Variants in ARL8B observed in about 807,000 individuals in gnomAD.
ARL8B encodes ARF like GTPase 8B.
A neutral mutation model predicts 30.6 loss-of-function variants in ARL8B; 9 were observed. That is an observed-to-expected ratio of 0.29 (90% CI 0.18 to 0.51). The LOEUF (loss-of-function observed/expected upper bound fraction) is 0.51, where lower values mean the gene tolerates loss of function less well. Among genes scored for constraint, ARL8B ranks in the 20% least tolerant of loss-of-function variants. ARL8B has a pLI of 0.97. For missense variants in ARL8B, 130 were observed against 227.2 expected, an observed-to-expected ratio of 0.57 and a Z score of 2.75; for synonymous variants, 74 against 76.0, an observed-to-expected ratio of 0.97 and a Z score of 0.14.
chr3:5,134,432 C>A (rs1160030265), intron 1 of ARL8B, among the ~76,000 whole-genome samples: 1 of 152,134 alleles, frequency 6.6e-6, no homozygotes, highest in Non-Finnish European at 1.5e-5. Context: ...CCTTTGCTGT[C>A]GAATTCGAAG....
chr3:5,164,174 A>C (rs1409663044), intron 1 of ARL8B, among the ~76,000 whole-genome samples: 4 of 152,314 alleles, frequency 2.6e-5, no homozygotes, highest in Admixed American at 6.5e-5. Flanking sequence ...TCCATGTGTA[A>C]GTGGACCCAT....
intron 1 of ARL8B, among the ~76,000 whole-genome samples, chr3:5,146,259 T>G (rs951104868): frequency 6.6e-5 from 10 of 152,320 alleles, no homozygotes; most frequent in Admixed American, 4.6e-4. Context: ...ACCACTTATG[T>G]TCATAGGGTA....
chr3:5,166,687 G>C (rs1255460808), intron 1 of ARL8B, among the ~76,000 whole-genome samples: 1 of 152,214 alleles, frequency 6.6e-6, no homozygotes, highest in East Asian at 1.9e-4. Flanking sequence ...GAGGTTCACC[G>C]CCTCATGTCT....
intron 1 of ARL8B, among the ~76,000 whole-genome samples, chr3:5,169,104 C>G (rs1326702022): frequency 1.3e-5 from 2 of 152,030 alleles, no homozygotes; most frequent in African/African-American, 4.8e-5. Context: ...ATACATAAAA[C>G]ACAAAGTATC....
At position 5,152,909 on chromosome 3, in the gene ARL8B, A is replaced by G. The variant is rs533049151; in HGVS notation, c.124-17594A>G. Reference sequence around the variant, plus strand: ...CTTTTAATGTAATTATTGATATTTAAGACTTAGTTTAAACATAGTATTTAG... The same window carrying G: ...CTTTTAATGTAATTATTGATATTTAGGACTTAGTTTAAACATAGTATTTAG... On this transcript the variant is annotated intron_variant, in intron 1 of 6. Transcript: ENST00000256496. 2.6e-5 allele frequency among the ~76,000 whole-genome samples: 4 copies of G among 152,364 alleles called. 1 individual carries two copies. In the South Asian group the frequency reaches 8.3e-4, roughly 32 times the overall value.
At chr3:5,162,747 C>CT (rs1381252841) in intron 1 of ARL8B, among the ~76,000 whole-genome samples, 1 of 152,122 alleles carries the variant, frequency 6.6e-6, no homozygotes, top group Non-Finnish European at 1.5e-5. Context: ...AGTAATAAGA[C>CT]TTAACTGCCC....
chr3:5,159,602 CAA>C (rs71053495), intron 1 of ARL8B, among the ~76,000 whole-genome samples: 24,219 of 76,374 alleles, frequency 0.32, 1,138 homozygotes, highest in African/African-American at 0.37. Flanking sequence ...AACTCCGTCT[CAA>C]AAAAAAAAAA....
At chr3:5,149,417 C>T (rs772921100) in intron 1 of ARL8B, among the ~76,000 whole-genome samples, 3 of 152,242 alleles carry the variant, frequency 2.0e-5, no homozygotes, top group Non-Finnish European at 4.4e-5. Flanking sequence ...GAGAAACACA[C>T]ATTCACCCAT....
intron 1 of ARL8B, among the ~76,000 whole-genome samples, chr3:5,159,341 G>A (rs962841524): frequency 6.7e-6 from 1 of 149,054 alleles, no homozygotes; most frequent in Non-Finnish European, 1.5e-5. Flanking sequence ...GGTGGCTCAT[G>A]CCTGTAATCC....
intron 1 of ARL8B, among the ~76,000 whole-genome samples, chr3:5,162,808 G>A (rs2054593520): frequency 6.6e-6 from 1 of 152,116 alleles, no homozygotes; most frequent in African/African-American, 2.4e-5. Context: ...GGGCGGGTCT[G>A]TTCCATGGGT....
At chr3:5,130,788 G>A (rs989572920) in intron 1 of ARL8B, among the ~76,000 whole-genome samples, 1 of 151,350 alleles carries the variant, frequency 6.6e-6, no homozygotes. Flanking sequence ...CGCCCGCCTC[G>A]GCCCAGGCAT....
chr3:5,145,912 A>G (rs984835666), intron 1 of ARL8B, among the ~76,000 whole-genome samples: 2 of 152,100 alleles, frequency 1.3e-5, no homozygotes, highest in African/African-American at 4.8e-5. Context: ...CTTTTTCTAC[A>G]GACTGCAGTT....
rs535825770 is a variant in ARL8B, at chr3:5,141,689, C to A, written c.123+19101C>A. 6.6e-5 allele frequency among the ~76,000 whole-genome samples: 10 copies of A among 152,302 alleles called. No homozygotes were observed. The South Asian group carries it at 1.9e-3, about 28-fold the overall frequency. On this transcript the variant is annotated intron_variant, in intron 1 of 6. Transcript: ENST00000256496. The stretch of plus-strand genomic sequence containing the variant: ...TGTAAAGCTTTTGTGATGGTCCCAT[C>A]TGGGGCAGTATTGTTGGGAATGAAA...
intron 1 of ARL8B, among the ~76,000 whole-genome samples, chr3:5,143,698 T>G (rs949425787): frequency 6.6e-6 from 1 of 152,232 alleles, no homozygotes. Flanking sequence ...CAAGTCTTAA[T>G]CAGCACCAAG....
intron 1 of ARL8B, among the ~76,000 whole-genome samples, chr3:5,162,557 C>A (rs1286821972): frequency 6.6e-6 from 1 of 151,788 alleles, no homozygotes; most frequent in African/African-American, 2.4e-5. Flanking sequence ...GGATGTTGGC[C>A]CATGGGGAGA....
rs1449182748 is a variant in ARL8B, at chr3:5,178,797, G to C, written c.*84G>C. 2 of 1,600,380 alleles carry C rather than the reference G, an allele frequency of 1.2e-6. No individual in the cohort carries two copies. Among genetic ancestry groups the C allele is most frequent in the East Asian group, 4.5e-5 (2 of 44,714 alleles). On this transcript the variant is annotated 3_prime_UTR_variant, in exon 7 of 7. Transcript: ENST00000256496. ...CCTCTGAAGTAATTCCCAGAATACG[G>C]TCCTTCCTAAACCCCAGAAATTGCC...
At chr3:5,148,123 A>T (rs1024150076) in intron 1 of ARL8B, among the ~76,000 whole-genome samples, 3 of 151,972 alleles carry the variant, frequency 2.0e-5, no homozygotes, top group African/African-American at 7.3e-5. Flanking sequence ...TCTCCTGTGA[A>T]TAGGCTATTC....
At position 5,123,897 on chromosome 3, in the gene ARL8B, G is replaced by A. The variant is rs117849112; in HGVS notation, c.123+1309G>A. ...TATTATTAATTTTTTTTCTTGAGAC[G>A]GAGTCTCGCTTTGTCCCCCAGGCTG... On this transcript the variant is annotated intron_variant, in intron 1 of 6. Coordinates refer to ENST00000256496, the MANE Select transcript of ARL8B (RefSeq NM_018184.3). Among the ~76,000 whole-genome samples the A allele has an allele frequency of 2.5e-3, 386 of 152,100 alleles. 8 individuals carry two copies. Among genetic ancestry groups the A allele is most frequent in the East Asian group, 0.02 (106 of 5,176 alleles).
chr3:5,142,089 G>C (rs934029610), intron 1 of ARL8B, among the ~76,000 whole-genome samples: 3 of 152,106 alleles, frequency 2.0e-5, no homozygotes, highest in African/African-American at 7.2e-5. Context: ...CTTATGGAAT[G>C]CCAGGGTGAA....
Sources: gnomAD v4.1 joint callset for allele counts (sites outside exome capture counted in the v4.1 genomes callset) on GRCh38, gnomAD v4.1.1 for gene constraint, MANE v1.5 for transcripts, NCBI Gene and HGNC (gene_info 2026-07-23, HGNC 2026-07-21) for gene names.